CSMD3: variants seen among roughly 807,000 people sequenced by gnomAD.
CSMD3 encodes the protein CUB and Sushi multiple domains 3.
In CSMD3, 177 loss-of-function variants were observed where a neutral mutation model predicts 435.2. The ratio of observed to expected loss-of-function variants is 0.41; its 90% CI spans 0.36 to 0.46. The LOEUF (loss-of-function observed/expected upper bound fraction) is 0.46. Ranked by LOEUF, CSMD3 falls within the 20% of genes least tolerant of loss-of-function variation. The pLI, the probability that CSMD3 is intolerant of heterozygous loss-of-function variation, is 0.34. For synonymous variants in CSMD3, 1,656 were observed against 1,520.5 expected (o/e 1.09, Z -2.07); for missense variants, 4,265 against 4,504.6 (o/e 0.95, Z 1.52).
chr8:113,427,738 A>C (rs2094644444), intron 1 of CSMD3, among the ~76,000 whole-genome samples: 1 of 151,676 alleles, frequency 6.6e-6, no homozygotes, highest in South Asian at 2.1e-4. Context: ...GCCCCTACAA[A>C]TAAATCTAAT....
At chr8:112,523,657 T>A (rs1333086811) in intron 27 of CSMD3, among the ~76,000 whole-genome samples, 1 of 151,964 alleles carries the variant, frequency 6.6e-6, no homozygotes, top group Non-Finnish European at 1.5e-5. Flanking sequence ...GTCAAATCAA[T>A]TAGAAAATAT....
chr8:112,645,267 G>C (rs1405939522), intron 19 of CSMD3, 42 bp from the exon 20 acceptor site: 1 of 1,060,186 alleles, frequency 9.4e-7, no homozygotes, highest in Non-Finnish European at 1.5e-6. Flanking sequence ...AGCAGTGAGA[G>C]AGACAGAGGG....
intron 35 of CSMD3, among the ~76,000 whole-genome samples, chr8:112,395,389 A>G (rs920791459): frequency 1.3e-5 from 2 of 152,214 alleles, no homozygotes; most frequent in African/African-American, 4.8e-5. Context: ...TGTATTTAAT[A>G]ACTTTTTCAT....
intron 59 of CSMD3, among the ~76,000 whole-genome samples, chr8:112,278,621 G>C (rs1818318346): frequency 6.6e-6 from 1 of 152,108 alleles, no homozygotes; most frequent in African/African-American, 2.4e-5. Context: ...GGAAAGGCTG[G>C]CACACTGTGC....
At chr8:112,291,728 T>A (rs1819779702) in intron 55 of CSMD3, 33 bp from the exon 56 acceptor site, 1 of 1,374,732 alleles carries the variant, frequency 7.3e-7, no homozygotes, top group Non-Finnish European at 1.0e-6. Context: ...AACATATGTT[T>A]GGAATAATAT....
At chr8:113,369,871 T>G (rs1338104074) in intron 1 of CSMD3, among the ~76,000 whole-genome samples, 2 of 151,672 alleles carry the variant, frequency 1.3e-5, no homozygotes, top group Admixed American at 1.3e-4. Flanking sequence ...CTCATAGAAA[T>G]AGAGAGTAGA....
chr8:112,228,680 T>G, intron 70 of CSMD3, 76 bp downstream of exon 70: 1 of 1,450,854 alleles, frequency 6.9e-7, no homozygotes. Context: ...GAAATTAAGA[T>G]TTGAGCTAGA....
intron 22 of CSMD3, among the ~76,000 whole-genome samples, chr8:112,591,018 T>C (rs1831143509): frequency 6.6e-6 from 1 of 152,084 alleles, no homozygotes; most frequent in African/African-American, 2.4e-5. Context: ...CATCTTTAAA[T>C]CATAAAAATT....
chr8:112,590,845 C>A (rs1443248337), intron 22 of CSMD3, among the ~76,000 whole-genome samples: 5 of 152,010 alleles, frequency 3.3e-5, no homozygotes, highest in African/African-American at 1.2e-4. Context: ...GATCTTGTTT[C>A]TCTCATGTCT....
intron 48 of CSMD3, 61 bp downstream of exon 48, chr8:112,314,368 T>C (rs1187101812): frequency 1.7e-6 from 2 of 1,210,878 alleles, no homozygotes; most frequent in Non-Finnish European, 2.5e-6. Context: ...AAAGTTTACA[T>C]GTATAATTAG....
chr8:113,337,780 G>C (rs1003832169), intron 1 of CSMD3, among the ~76,000 whole-genome samples: 1 of 151,680 alleles, frequency 6.6e-6, no homozygotes, highest in Non-Finnish European at 1.5e-5. Flanking sequence ...TGTATAACAT[G>C]GTGACTATAG....
At chr8:113,432,678 T>C (rs1174624715) in intron 1 of CSMD3, among the ~76,000 whole-genome samples, 3 of 152,178 alleles carry the variant, frequency 2.0e-5, no homozygotes, top group Admixed American at 2.0e-4. Flanking sequence ...CAATGTGCTT[T>C]CCGAACTCCC....
At chr8:112,596,613 G>C (rs1831747390) in intron 22 of CSMD3, among the ~76,000 whole-genome samples, 1 of 151,764 alleles carries the variant, frequency 6.6e-6, no homozygotes, top group African/African-American at 2.4e-5. Context: ...CACATACTTG[G>C]AAGTAAAGCT....
chr8:113,366,604 C>T (rs1335172722), intron 1 of CSMD3, among the ~76,000 whole-genome samples: 2 of 151,976 alleles, frequency 1.3e-5, no homozygotes, highest in African/African-American at 4.8e-5. Flanking sequence ...TTGAGAAGAG[C>T]TAATCGTTTT....
chr8:112,429,999 G>C (rs1813488666), intron 32 of CSMD3, among the ~76,000 whole-genome samples: 1 of 151,982 alleles, frequency 6.6e-6, no homozygotes, highest in Non-Finnish European at 1.5e-5. Flanking sequence ...AAAAACAGTA[G>C]TGTCTGGTGG....
At chr8:112,937,613 A>G (rs1013750210) in intron 9 of CSMD3, among the ~76,000 whole-genome samples, 2 of 152,114 alleles carry the variant, frequency 1.3e-5, no homozygotes, top group Non-Finnish European at 2.9e-5. Flanking sequence ...AGCCTCCCAC[A>G]GTACTAGGAT....
chr8:112,572,034 A>AT, intron 24 of CSMD3, among the ~76,000 whole-genome samples: 1 of 151,320 alleles, frequency 6.6e-6, no homozygotes, highest in Middle Eastern at 3.4e-3. Context: ...AGGACAGCAT[A>AT]TTTAAAAAAA....
intron 22 of CSMD3, among the ~76,000 whole-genome samples, chr8:112,616,514 G>T (rs141468002): frequency 6.6e-6 from 1 of 152,172 alleles, no homozygotes; most frequent in Non-Finnish European, 1.5e-5. Flanking sequence ...AAGTAGTCAA[G>T]TAGTCCCTCA....
At chr8:112,834,085 G>T (rs1430462076) in intron 11 of CSMD3, among the ~76,000 whole-genome samples, 1 of 151,898 alleles carries the variant, frequency 6.6e-6, no homozygotes, top group African/African-American at 2.4e-5. Context: ...TTTAATGGTA[G>T]ATTTTATTTT....
Sources: gnomAD v4.1 joint callset for allele counts (sites outside exome capture counted in the v4.1 genomes callset) on GRCh38, gnomAD v4.1.1 for gene constraint, MANE v1.5 for transcripts, NCBI Gene and HGNC (gene_info 2026-07-23, HGNC 2026-07-21) for gene names.